Variants in RNF103 observed in about 807,000 individuals in gnomAD.
The protein encoded by RNF103 is E3 ubiquitin-protein ligase RNF103.
Under a neutral mutation model 66.2 loss-of-function variants are expected in RNF103, and 23 were observed. The observed-to-expected ratio is 0.35, with a 90% CI of 0.25 to 0.49. RNF103 has a LOEUF of 0.49. Ranked by LOEUF, RNF103 falls within the 20% of genes least tolerant of loss-of-function variation. The pLI is 0.98. For missense variants in RNF103, 730 were observed against 814.7 expected, an observed-to-expected ratio of 0.90 and a Z score of 1.27; for synonymous variants, 297 against 289.9, an observed-to-expected ratio of 1.02 and a Z score of -0.25.
chr2:86,611,936 C>T (rs898253398), intron 3 of RNF103, among the ~76,000 whole-genome samples: 9 of 151,872 alleles, frequency 5.9e-5, no homozygotes, highest in East Asian at 3.9e-4. Context: ...GAGAAAGGGA[C>T]GGGGAGAGAG....
chr2:86,603,873 G>C lies in RNF103; in HGVS notation c.2028C>G (p.His676Gln), dbSNP rs543456450. 5.0e-6 allele frequency: 8 copies of C among 1,613,990 alleles called. 1 individual carries two copies. In the South Asian group the frequency reaches 6.6e-5, roughly 13 times the overall value. ...ATGGGACATCATTTGACAAGGGCTG[G>C]TGTTGTGCATATGGCTGCTTTTTTT... Reference protein sequence around the residue: ...SYKKKQPYAQHQPLSNDVPS With the variant: ...SYKKKQPYAQQQPLSNDVPS The change falls in exon 4 of 4, where the codon CAC becomes CAG. Residue 676 changes from histidine to glutamine, a missense_variant. By Grantham distance (24) the His-to-Gln change is conservative. This residue lies in a region of RNF103 where 355 missense variants were observed against 351.9 expected (regional missense o/e 1.01). Transcript: ENST00000237455.
Position 86,623,553 on chromosome 2 carries a change from C to T in RNF103, c.-667G>A. The T allele has an allele frequency of 6.0e-6, 6 of 991,956 alleles. No individual in the cohort carries two copies. Among genetic ancestry groups the T allele is most frequent in the Non-Finnish European group, 7.2e-6 (6 of 834,014 alleles). 61.4% of individuals were successfully genotyped at this position (991,956 alleles called of 1,614,324 possible). Reference sequence around the variant, plus strand: ...AGAAGAGCGGCGGGCACGGCGGCGGCTCCAGGTTCGCTCGGGCCGGCTGGC... The same window carrying T: ...AGAAGAGCGGCGGGCACGGCGGCGGTTCCAGGTTCGCTCGGGCCGGCTGGC... On this transcript the variant is annotated 5_prime_UTR_variant, in exon 1 of 4. Coordinates refer to ENST00000237455, the MANE Select transcript of RNF103 (RefSeq NM_005667.4).
At chr2:86,606,592 G>T in intron 3 of RNF103, among the ~76,000 whole-genome samples, 1 of 150,458 alleles carries the variant, frequency 6.6e-6, no homozygotes, top group East Asian at 1.9e-4. Flanking sequence ...GAACCCGGGA[G>T]GCAGAGGGTG....
In RNF103 at chr2:86,604,706, T is replaced by C. The variant is rs1312888633; in HGVS notation, c.1195A>G (p.Thr399Ala). 1.9e-6 allele frequency: 3 copies of C among 1,614,180 alleles called. No homozygotes were observed. The highest frequency in any genetic ancestry group is 3.3e-5 in the Admixed American group (2 of 60,014). ...YSLKLLRYSNTTTLASWVRAD... is the reference protein window; with the variant it reads ...YSLKLLRYSNATTLASWVRAD... ...CTTACCCATGAAGCCAGTGTGGTTGTATTGGAATATCTCAACAATTTTAAG... is the reference window on the plus strand; with the variant it reads ...CTTACCCATGAAGCCAGTGTGGTTGCATTGGAATATCTCAACAATTTTAAG... Residue 399 changes from threonine (T) to alanine (A), a missense_variant, in exon 4 of 4, where the codon ACA becomes GCA. Around this residue, in one of 3 missense-constraint regions of RNF103, gnomAD observed 355 missense variants for 351.9 expected, o/e 1.01. Transcript: ENST00000237455.
rs146315445 is a variant in RNF103 at position 86,604,610 on chromosome 2, T to C, written c.1291A>G (p.Ile431Val). ...CTTCTCTTCTTCTCAAAGTAATCAA[T>C]TAGTAAACCATGACCAAGGTATGTA... ...LSTYLGHGLL[I>V]DYFEKKRRRN... is the part of the protein sequence containing the mutation. The change falls in exon 4 of 4, where the codon ATT (isoleucine) becomes GTT (valine). Residue 431 changes from isoleucine (I) to valine (V), a missense_variant. Around this residue, in one of 3 missense-constraint regions of RNF103, gnomAD observed 355 missense variants for 351.9 expected, o/e 1.01. Coordinates refer to ENST00000237455, the MANE Select transcript of RNF103 (RefSeq NM_005667.4). The C allele has an allele frequency of 6.1e-5, 98 of 1,614,172 alleles. No homozygotes were observed. Among genetic ancestry groups the C allele is most frequent in the Middle Eastern group, 1.6e-4 (1 of 6,062 alleles).
intron 2 of RNF103, chr2:86,618,149 A>G: frequency 3.6e-6 from 1 of 281,580 alleles, no homozygotes; most frequent in South Asian, 3.0e-5. Context: ...GAGAAAAAAA[A>G]TTTAGCAACT....
Position 86,604,034 on chromosome 2 carries a change from C to A in RNF103, c.1867G>T (p.Val623Phe). 6.2e-7 allele frequency: 1 copy of A among 1,614,100 alleles called. No individual in the cohort carries two copies. The highest frequency in any genetic ancestry group is 8.5e-7 in the Non-Finnish European group (1 of 1,180,038). ...ADMLHCTECVVCLENFENGCL... is the reference protein window; with the variant it reads ...ADMLHCTECVFCLENFENGCL... ...CCATTTTCAAAATTCTCTAGGCAAA[C>A]AACACATTCAGTACAGTGCAGCATA... The change falls in exon 4 of 4, where the codon GTT (valine) becomes TTT (phenylalanine). Residue 623 changes from valine (V) to phenylalanine (F), a missense_variant. Physicochemically the swap from Val to Phe is conservative, Grantham distance 50 (BLOSUM62 -1). Transcript: ENST00000237455.
intron 3 of RNF103, among the ~76,000 whole-genome samples, chr2:86,608,636 G>A (rs532716901): frequency 9.2e-5 from 14 of 151,392 alleles, no homozygotes; most frequent in African/African-American, 2.7e-4. Flanking sequence ...CTCCTTCCCC[G>A]TTTTTTCCAC....
chr2:86,623,484 C>CCT lies in RNF103; in HGVS notation c.-599_-598insAG. Reference sequence around the variant, plus strand: ...AGGAGCGGCCGCCGCAACGCCGCGCCCGAAGCCCAGGCCCCAGGCCCCGCC... The same window carrying CCT: ...AGGAGCGGCCGCCGCAACGCCGCGCCCTCGAAGCCCAGGCCCCAGGCCCCGCC... On this transcript the variant is annotated 5_prime_UTR_variant, in exon 1 of 4. Coordinates refer to ENST00000237455, the MANE Select transcript of RNF103 (RefSeq NM_005667.4). 1 of 982,698 alleles carries CCT rather than the reference C, an allele frequency of 1.0e-6. No individual in the cohort carries two copies. Among genetic ancestry groups the CCT allele is most frequent in the African/African-American group, 1.8e-5 (1 of 57,046 alleles). The allele number at this position is 982,698 out of a possible 1,614,324, so 60.9% of individuals were successfully genotyped here. A position where few individuals can be genotyped will look rare whatever the true frequency, so the allele number is the denominator to read the frequency against.
intron 2 of RNF103, chr2:86,612,521 G>A (rs1438098499): frequency 6.2e-6 from 2 of 324,786 alleles, no homozygotes; most frequent in Non-Finnish European, 1.1e-5. Context: ...AGAGAGGGAG[G>A]GAGTCAAAAC....
chr2:86,623,029 A>T lies in RNF103; in HGVS notation c.-143T>A. ...CACCCGGCGCCGTCACTGGCCGGCCATCCCCGGCGGGGAAGCAGGTGACGG... is the reference window on the plus strand; with the variant it reads ...CACCCGGCGCCGTCACTGGCCGGCCTTCCCCGGCGGGGAAGCAGGTGACGG... On this transcript the variant is annotated 5_prime_UTR_variant, in exon 1 of 4. The change abolishes an upstream ATG in the 5' untranslated region. Coordinates refer to ENST00000237455, the MANE Select transcript of RNF103 (RefSeq NM_005667.4). 2 of 1,353,736 alleles carry T rather than the reference A, an allele frequency of 1.5e-6. No homozygotes were observed. Among genetic ancestry groups the T allele is most frequent in the Non-Finnish European group, 1.9e-6 (2 of 1,059,654 alleles). The allele number at this position is 1,353,736 out of a possible 1,614,324, so 83.9% of individuals were successfully genotyped here. A position where few individuals can be genotyped will look rare whatever the true frequency, so the allele number is the denominator to read the frequency against.
Position 86,623,679 on chromosome 2 carries a change from T to C in RNF103, c.-793A>G, listed in dbSNP as rs1436510501. ...GGTCTCGGAGGGAAAAAACCAATAA[T>C]AGGCCCCGAGACTGCTCCTCCAGGC... On this transcript the variant is annotated 5_prime_UTR_variant, in exon 1 of 4. Transcript: ENST00000237455. 19 of 1,189,828 alleles carry C rather than the reference T, an allele frequency of 1.6e-5. No homozygotes were observed. Among genetic ancestry groups the C allele is most frequent in the African/African-American group, 3.4e-5 (2 of 59,392 alleles). 73.7% of individuals were successfully genotyped at this position (1,189,828 alleles called of 1,614,324 possible). A position where few individuals can be genotyped will look rare whatever the true frequency, so the allele number is the denominator to read the frequency against.
Position 86,623,070 on chromosome 2 carries a change from G to T in RNF103, c.-184C>A. 5 of 1,302,436 alleles carry T rather than the reference G, an allele frequency of 3.8e-6. No individual in the cohort carries two copies. The highest frequency in any genetic ancestry group is 4.8e-6 in the Non-Finnish European group (5 of 1,031,470). The allele number at this position is 1,302,436 out of a possible 1,614,324, so 80.7% of individuals were successfully genotyped here. On this transcript the variant is annotated 5_prime_UTR_variant, in exon 1 of 4. Coordinates refer to ENST00000237455, the MANE Select transcript of RNF103 (RefSeq NM_005667.4). ...CAGGTGACGGGATCCGCGCGGGCGC[G>T]AGGCGGCGACGAGGGACGCAGAGAC...
At position 86,620,371 on chromosome 2, in the gene RNF103, C is replaced by G; in HGVS notation, c.325G>C (p.Glu109Gln). 1 of 1,608,674 alleles carries G rather than the reference C, an allele frequency of 6.2e-7. No individual in the cohort carries two copies. Among genetic ancestry groups the G allele is most frequent in the Non-Finnish European group, 8.5e-7 (1 of 1,176,056 alleles). Reference protein sequence around the residue: ...TNFSGEMHFYELVEDTKDGIW... With the variant: ...TNFSGEMHFYQLVEDTKDGIW... The stretch of plus-strand genomic sequence containing the variant: ...CCATCTTTTGTGTCTTCCACAAGCT[C>G]ATAGAAGTGCATTTCACCACTGAAA... The change falls in exon 2 of 4, where the codon GAG (glutamate) becomes CAG (glutamine). Residue 109 changes from glutamate (E) to glutamine (Q), a missense_variant. Glu to Gln is a conservative substitution (Grantham distance 29). Around this residue, in one of 3 missense-constraint regions of RNF103, gnomAD observed 327 missense variants for 369.8 expected, o/e 0.88. Coordinates refer to ENST00000237455, the MANE Select transcript of RNF103 (RefSeq NM_005667.4).
chr2:86,613,043 TGAGTCGAA>T (rs1359779217), intron 2 of RNF103: 3 of 152,182 alleles, frequency 2.0e-5, no homozygotes, highest in African/African-American at 7.2e-5. Context: ...ATGCATCACT[TGAGTCGAA>T]GAGTTCAAGA....
Position 86,604,339 on chromosome 2 carries a change from C to G in RNF103, c.1562G>C (p.Gly521Ala). 1.2e-6 allele frequency: 2 copies of G among 1,614,194 alleles called. No homozygotes were observed. The highest frequency in any genetic ancestry group is 1.7e-6 in the Non-Finnish European group (2 of 1,180,050). ...CGACATTTCCTCTTCAGACTGGACT[C>G]CAAGACATTTAAATCGCCACATTGG... ...NLPMWRFKCL[G>A]VQSEEEMSEG... The change falls in exon 4 of 4, where the codon GGA (glycine) becomes GCA (alanine). Residue 521 changes from glycine (G) to alanine (A), a missense_variant. Gly to Ala is a moderately conservative substitution (Grantham distance 60). This residue lies in a region of RNF103 where 355 missense variants were observed against 351.9 expected (regional missense o/e 1.01). Transcript: ENST00000237455.
intron 2 of RNF103, chr2:86,617,653 A>C: frequency 3.1e-6 from 3 of 983,282 alleles, no homozygotes; most frequent in Non-Finnish European, 3.6e-6. Context: ...ACAACAATTC[A>C]AATTGTTAAA....
chr2:86,620,738 G>T (rs1328436678), intron 1 of RNF103, among the ~76,000 whole-genome samples: 1 of 152,108 alleles, frequency 6.6e-6, no homozygotes, highest in Non-Finnish European at 1.5e-5. Flanking sequence ...TTTTAGTGGG[G>T]TTATCACATA....
intron 2 of RNF103, chr2:86,617,964 T>G (rs1679088294): frequency 1.8e-6 from 1 of 547,212 alleles, no homozygotes; most frequent in Non-Finnish European, 3.2e-6. Context: ...GCCACTGGCC[T>G]CAAGGAACAC....
Sources: allele counts gnomAD v4.1 joint callset (sites outside exome capture counted in the v4.1 genomes callset), GRCh38; gene constraint gnomAD v4.1.1; regional missense constraint gnomAD v4.1.1; transcripts MANE v1.5; gene names NCBI Gene and HGNC (gene_info 2026-07-23, HGNC 2026-07-21).